IL20RB: variants seen among roughly 807,000 people sequenced by gnomAD.
IL20RB encodes interleukin 20 receptor subunit beta.
A neutral mutation model predicts 33.3 loss-of-function variants in IL20RB; 21 were observed. That is an observed-to-expected ratio of 0.63 (90% CI 0.45 to 0.91). The LOEUF (loss-of-function observed/expected upper bound fraction) is 0.91. IL20RB is among the 40% of genes least tolerant of loss of function. The pLI, the probability that IL20RB is intolerant of heterozygous loss-of-function variation, is 0.00. For synonymous variants in IL20RB, 147 were observed against 146.8 expected (o/e 1.00, Z -0.01); for missense variants, 345 against 384.8 (o/e 0.90, Z 0.86).
At chr3:136,984,663 T>TG (rs1402805282) in intron 3 of IL20RB, among the ~76,000 whole-genome samples, 4 of 151,622 alleles carry the variant, frequency 2.6e-5, no homozygotes, top group African/African-American at 7.3e-5. Flanking sequence ...AGGGAAGGGA[T>TG]GGGGCAGGAA....
chr3:137,008,348 A>G (rs1377360177), intron 6 of IL20RB, among the ~76,000 whole-genome samples: 1 of 152,210 alleles, frequency 6.6e-6, no homozygotes, highest in Non-Finnish European at 1.5e-5. Context: ...GATGGGGATC[A>G]TGGCAAATAT....
At chr3:136,967,301 A>T (rs1941378719) in intron 1 of IL20RB, among the ~76,000 whole-genome samples, 1 of 141,484 alleles carries the variant, frequency 7.1e-6, no homozygotes, top group Non-Finnish European at 1.5e-5. Context: ...TGGGGTGTTA[A>T]AGTCTCCCAT....
At chr3:136,958,994 CTAGT>C (rs1941123101) in intron 1 of IL20RB, 1 of 151,866 alleles carries the variant, frequency 6.6e-6, no homozygotes, top group East Asian at 1.9e-4. Context: ...TTTAATTATT[CTAGT>C]TAGTTTACAT....
At chr3:136,987,718 C>A (rs1311199661) in intron 3 of IL20RB, among the ~76,000 whole-genome samples, 1 of 152,210 alleles carries the variant, frequency 6.6e-6, no homozygotes, top group African/African-American at 2.4e-5. Context: ...GGCTGCAGGT[C>A]CCGAGCCACG....
chr3:136,961,941 C>T (rs1410515929), intron 1 of IL20RB, among the ~76,000 whole-genome samples: 2 of 151,974 alleles, frequency 1.3e-5, no homozygotes, highest in Non-Finnish European at 2.9e-5. Context: ...GAAAGTGTTC[C>T]CATTGGCCAA....
chr3:136,970,485 A>C (rs1941445550), intron 1 of IL20RB, among the ~76,000 whole-genome samples: 1 of 152,148 alleles, frequency 6.6e-6, no homozygotes, highest in Admixed American at 6.5e-5. Flanking sequence ...TGGAATCTCT[A>C]TTCTGTTTCA....
At chr3:136,987,721 G>A (rs528249736) in intron 3 of IL20RB, among the ~76,000 whole-genome samples, 5 of 152,200 alleles carry the variant, frequency 3.3e-5, no homozygotes, top group Non-Finnish European at 4.4e-5. Flanking sequence ...TGCAGGTCCC[G>A]AGCCACGCCC....
At chr3:136,973,737 G>A (rs542928185) in intron 1 of IL20RB, among the ~76,000 whole-genome samples, 1 of 152,146 alleles carries the variant, frequency 6.6e-6, no homozygotes, top group East Asian at 1.9e-4. Flanking sequence ...AAGACTCTGG[G>A]TGCTCCAGTA....
chr3:137,001,209 T>C (rs964090133), intron 6 of IL20RB, among the ~76,000 whole-genome samples: 1 of 152,204 alleles, frequency 6.6e-6, no homozygotes, highest in Admixed American at 6.5e-5. Flanking sequence ...GTCACTACCC[T>C]TGACTACCTT....
At chr3:136,996,970 A>C (rs1942142285) in intron 6 of IL20RB, among the ~76,000 whole-genome samples, 1 of 152,116 alleles carries the variant, frequency 6.6e-6, no homozygotes, top group South Asian at 2.1e-4. Flanking sequence ...TATATATATC[A>C]ATTAGGTCAA....
In IL20RB at chr3:137,010,237, CCCA is replaced by C; in HGVS notation, c.*15_*17del. The stretch of plus-strand genomic sequence containing the variant: ...TGGATCTCATAGGTTTGCGGAAGGG[CCCA>C]GGTGAAGCCGAGAACCTGGTCTGCA... On this transcript the variant is annotated 3_prime_UTR_variant, in exon 7 of 7. Transcript: ENST00000329582. 1 of 1,282,954 alleles carries C rather than the reference CCCA, an allele frequency of 7.8e-7. No individual in the cohort carries two copies. Among genetic ancestry groups the C allele is most frequent in the Non-Finnish European group, 1.1e-6 (1 of 878,912 alleles). 79.5% of individuals were successfully genotyped at this position (1,282,954 alleles called of 1,614,324 possible).
intron 2 of IL20RB, 85 bp from the exon 3 acceptor site, chr3:136,982,075 G>A: frequency 1.0e-6 from 1 of 960,598 alleles, no homozygotes; most frequent in East Asian, 2.6e-5. Flanking sequence ...GTACAAAGTA[G>A]GTGAACGAAG....
intron 3 of IL20RB, among the ~76,000 whole-genome samples, chr3:136,983,379 C>T (rs773777894): frequency 2.0e-5 from 3 of 152,172 alleles, no homozygotes; most frequent in Admixed American, 6.5e-5. Flanking sequence ...TGAGCCATGG[C>T]GCCCGGCCGA....
At chr3:136,993,804 G>A (rs1942077018) in intron 5 of IL20RB, among the ~76,000 whole-genome samples, 1 of 152,090 alleles carries the variant, frequency 6.6e-6, no homozygotes, top group South Asian at 2.1e-4. Flanking sequence ...CCTGAGGTCA[G>A]AAATTTGAGA....
intron 4 of IL20RB, 86 bp from the exon 5 acceptor site, chr3:136,991,852 C>T (rs1023136542): frequency 1.8e-5 from 26 of 1,433,454 alleles, no homozygotes; most frequent in African/African-American, 9.8e-5. Context: ...TCAGGTGATC[C>T]GCCCGCCTCA....
chr3:136,959,652 G>A (rs1941163158), intron 1 of IL20RB: 1 of 152,164 alleles, frequency 6.6e-6, no homozygotes, highest in African/African-American at 2.4e-5. Context: ...GTATTTTCTT[G>A]AAAACTCCTG....
chr3:136,959,040 A>G (rs553285912), intron 1 of IL20RB: 1 of 152,306 alleles, frequency 6.6e-6, no homozygotes, highest in Admixed American at 6.5e-5. Flanking sequence ...GACAATTTGC[A>G]AAGGTGTAGA....
At position 136,966,287 on chromosome 3, in the gene IL20RB, G is replaced by A. The variant is rs1442946112; in HGVS notation, c.88+8086G>A. ...GAAGGAATGGTACCAGTTCCTCCTT[G>A]TACCTCTGGTAGAATTCGGCTGTGA... is the stretch of plus-strand genomic sequence containing the variant. On this transcript the variant is annotated intron_variant, in intron 1 of 6. Transcript: ENST00000329582. Among the ~76,000 whole-genome samples, 2 of 99,240 alleles carry A rather than the reference G, an allele frequency of 2.0e-5. 1 individual carries two copies. 65.1% of individuals were successfully genotyped at this position (99,240 alleles called of 152,430 possible). A position where few individuals can be genotyped will look rare whatever the true frequency, so the allele number is the denominator to read the frequency against.
chr3:136,979,557 A>G (rs1472542224), intron 1 of IL20RB, among the ~76,000 whole-genome samples: 1 of 152,130 alleles, frequency 6.6e-6, no homozygotes, highest in Admixed American at 6.6e-5. Flanking sequence ...TGGCTTTGTG[A>G]CTGCCCAAAG....
Sources: gnomAD v4.1 joint callset for allele counts (sites outside exome capture counted in the v4.1 genomes callset) on GRCh38, gnomAD v4.1.1 for gene constraint, MANE v1.5 for transcripts, NCBI Gene and HGNC (gene_info 2026-07-23, HGNC 2026-07-21) for gene names.